IARS2: variants seen among roughly 807,000 people sequenced by gnomAD.
The protein encoded by IARS2 is isoleucine--tRNA ligase, mitochondrial.
In IARS2, 56 loss-of-function variants were observed where a neutral mutation model predicts 126.3. That is an observed-to-expected ratio of 0.44 (90% CI 0.36 to 0.55). The LOEUF (loss-of-function observed/expected upper bound fraction) is 0.55, where lower values mean the gene tolerates loss of function less well. Among genes scored for constraint, IARS2 ranks in the 20% least tolerant of loss-of-function variants. IARS2 has a pLI of 0.00. For missense variants in IARS2, 1,127 were observed against 1,245.9 expected, an observed-to-expected ratio of 0.90 and a Z score of 1.44; for synonymous variants, 407 against 441.1, an observed-to-expected ratio of 0.92 and a Z score of 0.97.
intron 12 of IARS2, among the ~76,000 whole-genome samples, chr1:220,120,515 T>C (rs1409853679): frequency 6.6e-6 from 1 of 151,996 alleles, no homozygotes; most frequent in African/African-American, 2.4e-5. Flanking sequence ...TAGCTGAGAC[T>C]ATAGTCACGC....
chr1:220,137,842 G>A, intron 16 of IARS2, 76 bp from the exon 17 acceptor site: 1 of 1,531,478 alleles, frequency 6.5e-7, no homozygotes, highest in South Asian at 1.1e-5. Context: ...CTGAATAGGA[G>A]CTTTACCTAA....
intron 3 of IARS2, among the ~76,000 whole-genome samples, chr1:220,101,772 G>A (rs12037461): frequency 0.25 from 38,612 of 151,968 alleles, 5,032 homozygotes; most frequent in East Asian, 0.39. Context: ...AGGCTGAGGC[G>A]GGTAGATCAC....
chr1:220,136,925 T>A lies in IARS2; in HGVS notation c.2049+14T>A. 1 of 1,493,020 alleles carries A rather than the reference T, an allele frequency of 6.7e-7. No individual in the cohort carries two copies. The highest frequency in any genetic ancestry group is 9.3e-7 in the Non-Finnish European group (1 of 1,075,944). The allele number at this position is 1,493,020 out of a possible 1,614,324, so 92.5% of individuals were successfully genotyped here. On this transcript the variant is annotated intron_variant, in intron 16 of 22. Transcript: ENST00000366922. ...AATGGAGGACAAGTAGGTGATTCTC[T>A]AAAATGTATTTTATTTTCGTTTTAA...
intron 20 of IARS2, among the ~76,000 whole-genome samples, chr1:220,142,211 C>G (rs1038279425): frequency 6.6e-6 from 1 of 152,072 alleles, no homozygotes; most frequent in Admixed American, 6.6e-5. Context: ...TATAACTGTT[C>G]TGAAATGGCT....
intron 2 of IARS2, among the ~76,000 whole-genome samples, chr1:220,097,157 A>T (rs1160340095): frequency 6.6e-6 from 1 of 152,022 alleles, no homozygotes; most frequent in African/African-American, 2.4e-5. Context: ...AAGCAAAGAG[A>T]GAGAATTTAC....
At position 220,110,897 on chromosome 1, in the gene IARS2, A is replaced by G; in HGVS notation, c.1439A>G (p.Gln480Arg). Residue 480 changes from glutamine to arginine, a missense_variant, in exon 11 of 23, where the codon CAG becomes CGG. Physicochemically the swap from Gln to Arg is conservative, Grantham distance 43. Coordinates refer to ENST00000366922, the MANE Select transcript of IARS2 (RefSeq NM_018060.4). ...KKPVVIRASKQWFINITDIKT... is the reference protein window; with the variant it reads ...KKPVVIRASKRWFINITDIKT... ...CCTGTGGTTATTCGTGCCAGCAAGC[A>G]GTGGTTTATAAACATCACGGATATT... The G allele has an allele frequency of 6.2e-7, 1 of 1,614,118 alleles. No homozygotes were observed. The highest frequency in any genetic ancestry group is 8.5e-7 in the Non-Finnish European group (1 of 1,180,010).
chr1:220,094,215 C>T lies in IARS2; in HGVS notation c.-2C>T, dbSNP rs983503173. ...GACCCCGCTCTCAGGGGTTGCCGGA[C>T]CATGCGTTGGGGGCTGCGCCCTCGC... On this transcript the variant is annotated 5_prime_UTR_variant, in exon 1 of 23. Coordinates refer to ENST00000366922, the MANE Select transcript of IARS2 (RefSeq NM_018060.4). 1.3e-6 allele frequency: 2 copies of T among 1,566,428 alleles called. No individual in the cohort carries two copies. Among genetic ancestry groups the T allele is most frequent in the South Asian group, 1.2e-5 (1 of 84,682 alleles).
chr1:220,144,289 CCTCT>C (rs1397352119), intron 21 of IARS2: 1 of 760,214 alleles, frequency 1.3e-6, no homozygotes, highest in Non-Finnish European at 2.4e-6. Context: ...CTGGCTTTTG[CCTCT>C]CTTTTTGGCA....
Position 220,094,185 on chromosome 1 carries a change from C to T in IARS2, c.-32C>T, listed in dbSNP as rs1326819913. The T allele has an allele frequency of 6.6e-7, 1 of 1,515,688 alleles. No individual in the cohort carries two copies. The highest frequency in any genetic ancestry group is 2.3e-5 in the East Asian group (1 of 42,646). The allele number at this position is 1,515,688 out of a possible 1,614,324, so 93.9% of individuals were successfully genotyped here. On this transcript the variant is annotated 5_prime_UTR_variant, in exon 1 of 23. Transcript: ENST00000366922. ...CTGCCCCTTCAAGCTGGGGCGGGAG[C>T]GGAGGACCCCGCTCTCAGGGGTTGC...
chr1:220,125,396 C>A, intron 13 of IARS2, 57 bp downstream of exon 13: 1 of 1,049,366 alleles, frequency 9.5e-7, no homozygotes, highest in Non-Finnish European at 1.5e-6. Context: ...TTAATGACAA[C>A]ATGAGAAATT....
At chr1:220,128,214 C>A (rs956353372) in intron 14 of IARS2, among the ~76,000 whole-genome samples, 5 of 111,724 alleles carry the variant, frequency 4.5e-5, no homozygotes, top group African/African-American at 1.1e-4. Flanking sequence ...AACTGTGGGA[C>A]TTGAGTATTC....
chr1:220,128,186 T>G (rs1159492996), intron 14 of IARS2, among the ~76,000 whole-genome samples: 1 of 140,398 alleles, frequency 7.1e-6, no homozygotes, highest in Non-Finnish European at 1.5e-5. Context: ...TTTTCATATA[T>G]GCAGTTTCAG....
chr1:220,134,778 T>C (rs1184065820), intron 15 of IARS2: 1 of 221,828 alleles, frequency 4.5e-6, no homozygotes, highest in Non-Finnish European at 8.8e-6. Context: ...GTTTTTTTTT[T>C]TTTTTTTGAA....
At chr1:220,141,423 C>T (rs2102841463) in intron 19 of IARS2, among the ~76,000 whole-genome samples, 1 of 152,348 alleles carries the variant, frequency 6.6e-6, no homozygotes, top group Middle Eastern at 3.4e-3. Flanking sequence ...CTCAGCCTGT[C>T]AGCACCCCAA....
intron 14 of IARS2, among the ~76,000 whole-genome samples, chr1:220,133,574 G>T (rs1026226316): frequency 6.6e-6 from 1 of 152,122 alleles, no homozygotes; most frequent in African/African-American, 2.4e-5. Context: ...AAATAAAAGG[G>T]ATTATGGGGG....
chr1:220,114,941 C>CT (rs5781165), intron 12 of IARS2, among the ~76,000 whole-genome samples: 8,571 of 143,976 alleles, frequency 0.06, 313 homozygotes, highest in Middle Eastern at 0.11. Flanking sequence ...CAGTTTTTCC[C>CT]TTTTTTTTTT....
Position 220,134,481 on chromosome 1 carries a change from T to C in IARS2, c.1917T>C (p.Ser639=). The change falls in exon 15 of 23, where the codon AGT becomes AGC. Residue 639 remains serine, a synonymous_variant. Coordinates refer to ENST00000366922, the MANE Select transcript of IARS2 (RefSeq NM_018060.4). ...GGWFQSSLLT[S]VAARKRAPYK... is the part of the protein sequence containing the mutation. Reference sequence around the variant, plus strand: ...GGTTTCAGTCATCCTTATTAACAAGTGTGGCAGCAAGGAAGAGAGCACCTT... The same window carrying C: ...GGTTTCAGTCATCCTTATTAACAAGCGTGGCAGCAAGGAAGAGAGCACCTT... 6.2e-7 allele frequency: 1 copy of C among 1,613,054 alleles called. No homozygotes were observed. Among genetic ancestry groups the C allele is most frequent in the South Asian group, 1.1e-5 (1 of 90,872 alleles).
intron 22 of IARS2, among the ~76,000 whole-genome samples, chr1:220,146,433 GCGTGAACCCC>G (rs1657591296): frequency 1.3e-5 from 2 of 148,520 alleles, no homozygotes; most frequent in African/African-American, 5.0e-5. Context: ...TGGGAGAATG[GCGTGAACCCC>G]GGAGGCGGAG....
At chr1:220,121,913 G>A (rs1013637691) in intron 12 of IARS2, among the ~76,000 whole-genome samples, 7 of 152,098 alleles carry the variant, frequency 4.6e-5, no homozygotes, top group Non-Finnish European at 7.4e-5. Flanking sequence ...GCAACAAAGC[G>A]AGATTCCCAT....
Sources: allele counts gnomAD v4.1 joint callset (sites outside exome capture counted in the v4.1 genomes callset), GRCh38; gene constraint gnomAD v4.1.1; transcripts MANE v1.5; gene names NCBI Gene and HGNC (gene_info 2026-07-23, HGNC 2026-07-21).